PDE4D: variants seen among roughly 807,000 people sequenced by gnomAD.
The protein encoded by PDE4D is phosphodiesterase 4D.
Under a neutral mutation model 87.4 loss-of-function variants are expected in PDE4D, and 24 were observed. The ratio of observed to expected loss-of-function variants is 0.27; its 90% confidence interval spans 0.20 to 0.39. The LOEUF (loss-of-function observed/expected upper bound fraction) is 0.39. PDE4D is among the 10% of genes least tolerant of loss of function. The pLI, the probability that PDE4D is intolerant of heterozygous loss-of-function variation, is 1.00. For missense variants in PDE4D, 714 were observed against 1,041.0 expected, an observed-to-expected ratio of 0.69 and a Z score of 4.32; for synonymous variants, 384 against 383.2, an observed-to-expected ratio of 1.00 and a Z score of -0.02.
chr5:59,491,879 G>C (rs192531864), intron 1 of PDE4D, among the ~76,000 whole-genome samples: 6 of 152,290 alleles, frequency 3.9e-5, no homozygotes, highest in Admixed American at 3.9e-4. Flanking sequence ...GGAGAAATAA[G>C]AAAAAGCTGT....
intron 1 of PDE4D, among the ~76,000 whole-genome samples, chr5:59,698,092 G>A (rs75866632): frequency 0.072 from 10,911 of 152,106 alleles, 1,203 homozygotes; most frequent in African/African-American, 0.24. Context: ...TACAAAAACA[G>A]TATAGAAAGC....
Position 59,893,431 on chromosome 5 carries a change from C to G in PDE4D, c.192G>C (p.Ser64=). Reference sequence around the variant, plus strand: ...GCGGACACTGGGGCTGGGGCTGGGGCGAGGGTGGCGGCGGCGGGGGCAGGT... The same window carrying G: ...GCGGACACTGGGGCTGGGGCTGGGGGGAGGGTGGCGGCGGCGGGGGCAGGT... ...HHHLPPPPPP[S]PQPQPQCPLQ... The change falls in exon 1 of 15, where the codon TCG becomes TCC. Residue 64 remains serine, a synonymous_variant. Coordinates refer to ENST00000340635, the MANE Select transcript of PDE4D (RefSeq NM_001104631.2). The G allele has an allele frequency of 6.7e-7, 1 of 1,497,620 alleles. No individual in the cohort carries two copies. The highest frequency in any genetic ancestry group is 2.3e-4 in the Middle Eastern group (1 of 4,262). 92.8% of individuals were successfully genotyped at this position (1,497,620 alleles called of 1,614,324 possible). A position where few individuals can be genotyped will look rare whatever the true frequency, so the allele number is the denominator to read the frequency against.
intron 1 of PDE4D, among the ~76,000 whole-genome samples, chr5:59,572,359 T>A (rs1323642339): frequency 6.6e-6 from 1 of 152,194 alleles, no homozygotes; most frequent in Non-Finnish European, 1.5e-5. Context: ...AAGAAACATA[T>A]TTTTTATTTG....
At chr5:59,961,046 G>A (rs1759412194) in intron 3 of PDE4D, among the ~76,000 whole-genome samples, 1 of 152,028 alleles carries the variant, frequency 6.6e-6, no homozygotes, top group Admixed American at 6.6e-5. Context: ...TGGTCTATGT[G>A]CTGGAGACAC....
chr5:59,651,876 A>G (rs1226177718), intron 1 of PDE4D, among the ~76,000 whole-genome samples: 1 of 152,106 alleles, frequency 6.6e-6, no homozygotes, highest in African/African-American at 2.4e-5. Flanking sequence ...AGAATGAAAG[A>G]CTCATTTTCC....
At chr5:59,109,199 TA>T (rs1049915323) in intron 5 of PDE4D, among the ~76,000 whole-genome samples, 1 of 151,892 alleles carries the variant, frequency 6.6e-6, no homozygotes, top group Non-Finnish European at 1.5e-5. Flanking sequence ...CATTAATCAT[TA>T]AAAAAAATTC....
intron 1 of PDE4D, among the ~76,000 whole-genome samples, chr5:59,641,055 CT>C (rs1271537764): frequency 5.3e-5 from 8 of 152,052 alleles, no homozygotes; most frequent in African/African-American, 1.9e-4. Flanking sequence ...CCTGGAAGCA[CT>C]TTTTTTATGG....
intron 1 of PDE4D, among the ~76,000 whole-genome samples, chr5:59,680,704 T>A (rs953259101): frequency 1.3e-5 from 2 of 152,102 alleles, no homozygotes; most frequent in Admixed American, 6.5e-5. Context: ...TCTTTTTCCA[T>A]AGAGGCGTGA....
chr5:59,036,343 A>C lies in PDE4D; in HGVS notation c.921+2516T>G, dbSNP rs1054706363. 2.6e-5 allele frequency among the ~76,000 whole-genome samples: 4 copies of C among 152,252 alleles called. No individual in the cohort carries two copies. In the East Asian group the frequency reaches 5.8e-4, roughly 22 times the overall value. The stretch of plus-strand genomic sequence containing the variant: ...AATTTTTCAAAGGCTAAAGGAGAAT[A>C]AACTGAAAATATCAGTTTGAACACG... On this transcript the variant is annotated intron_variant, in intron 6 of 14. Coordinates refer to ENST00000340635, the MANE Select transcript of PDE4D (RefSeq NM_001104631.2).
At chr5:60,042,385 A>G (rs1768625681) in intron 2 of PDE4D, among the ~76,000 whole-genome samples, 1 of 152,204 alleles carries the variant, frequency 6.6e-6, no homozygotes, top group Non-Finnish European at 1.5e-5. Flanking sequence ...GCAGACAAAC[A>G]TTCCTGCCTG....
intron 1 of PDE4D, among the ~76,000 whole-genome samples, chr5:59,622,828 C>A (rs1183436971): frequency 6.6e-6 from 1 of 152,122 alleles, no homozygotes; most frequent in Non-Finnish European, 1.5e-5. Flanking sequence ...AATTCATCAC[C>A]CCTCCAAAGT....
chr5:59,563,054 G>A (rs560414829), intron 1 of PDE4D, among the ~76,000 whole-genome samples: 119 of 152,300 alleles, frequency 7.8e-4, no homozygotes, highest in African/African-American at 2.7e-3. Context: ...GATGTCAGAA[G>A]GCTATCAGTT....
At chr5:60,159,491 A>G (rs549612685) in intron 2 of PDE4D, among the ~76,000 whole-genome samples, 3 of 152,270 alleles carry the variant, frequency 2.0e-5, no homozygotes, top group South Asian at 2.1e-4. Context: ...ATCCTTTTAT[A>G]TCACCGGCCA....
chr5:59,382,323 T>C (rs56267663), intron 1 of PDE4D, among the ~76,000 whole-genome samples: 2 of 152,266 alleles, frequency 1.3e-5, no homozygotes. Context: ...TTATGAAAGG[T>C]GCTCAATGTT....
intron 3 of PDE4D, among the ~76,000 whole-genome samples, chr5:59,937,125 T>G (rs542483845): frequency 6.6e-6 from 1 of 152,234 alleles, no homozygotes; most frequent in African/African-American, 2.4e-5. Flanking sequence ...TCATCCCCAT[T>G]TACAGATAGG....
intron 1 of PDE4D, among the ~76,000 whole-genome samples, chr5:59,631,104 G>A (rs1368054012): frequency 6.6e-6 from 1 of 152,070 alleles, no homozygotes. Context: ...TACTTTTTGA[G>A]TACTTATTTT....
At chr5:59,586,896 T>C (rs1329413959) in intron 1 of PDE4D, 1 of 985,352 alleles carries the variant, frequency 1.0e-6, no homozygotes, top group African/African-American at 1.7e-5. Flanking sequence ...TAGGCACATA[T>C]TCATGTATGG....
At chr5:59,862,092 T>A (rs1485099769) in intron 1 of PDE4D, among the ~76,000 whole-genome samples, 1 of 152,072 alleles carries the variant, frequency 6.6e-6, no homozygotes, top group Non-Finnish European at 1.5e-5. Context: ...CAGCTGAGCA[T>A]CCCAAATGCA....
At chr5:59,990,785 A>G (rs539609381) in intron 2 of PDE4D, among the ~76,000 whole-genome samples, 6 of 152,276 alleles carry the variant, frequency 3.9e-5, no homozygotes, top group African/African-American at 1.4e-4. Context: ...CCAGAGACCT[A>G]TCATGACAGA....
Sources: gnomAD v4.1 joint callset for allele counts (sites outside exome capture counted in the v4.1 genomes callset) on GRCh38, gnomAD v4.1.1 for gene constraint, MANE v1.5 for transcripts, NCBI Gene and HGNC (gene_info 2026-07-23, HGNC 2026-07-21) for gene names.